The following CUL4B variants were observed in gnomAD, a reference collection of about 807,000 sequenced individuals.
CUL4B encodes cullin 4B.
CUL4B carries 1 observed loss-of-function variant against 69.2 expected under a neutral mutation model. The observed-to-expected ratio is 0.01, with a 90% CI of 0.01 to 0.07. CUL4B has a LOEUF of 0.07. Among genes scored for constraint, CUL4B ranks in the 10% least tolerant of loss-of-function variants. The pLI is 1.00. For synonymous variants in CUL4B, 237 were observed against 223.2 expected, an observed-to-expected ratio of 1.06 and a Z score of -0.55; for missense variants, 328 against 638.8, an observed-to-expected ratio of 0.51 and a Z score of 5.24.
chrX:120,566,661 T>C (rs766326122), downstream of CUL4B, among the ~76,000 whole-genome samples: 4 of 109,016 alleles, frequency 3.7e-5, no homozygotes, highest in East Asian at 1.2e-3. Flanking sequence ...CTTCCCAAAG[T>C]GCTGGGATTA....
upstream of CUL4B, among the ~76,000 whole-genome samples, chrX:120,565,837 T>C (rs1353576988): frequency 9.9e-6 from 1 of 101,200 alleles, no homozygotes; most frequent in East Asian, 3.4e-4. Flanking sequence ...GCCATTCTCC[T>C]GCCTCAGCCT....
At chrX:120,529,637 A>C (rs1384530775) in intron 19 of CUL4B, among the ~76,000 whole-genome samples, 5 of 111,826 alleles carry the variant, frequency 4.5e-5, no homozygotes, top group African/African-American at 6.5e-5. Context: ...TACACTTTTC[A>C]AAAAGATGCT....
chrX:120,557,902 G>C, intron 2 of CUL4B, 22 bp downstream of exon 2: 2 of 990,061 alleles, frequency 2.0e-6, no homozygotes, highest in Admixed American at 4.5e-5. Flanking sequence ...AATCAAATCT[G>C]GTTATGCATA....
downstream of CUL4B, among the ~76,000 whole-genome samples, chrX:120,566,480 G>A (rs182970346): frequency 7.0e-5 from 7 of 100,530 alleles, no homozygotes; most frequent in Middle Eastern, 0.01. Context: ...TCACCACAAC[G>A]TCCACCTCCC....
At chrX:120,531,149 C>G in intron 18 of CUL4B, among the ~76,000 whole-genome samples, 1 of 109,322 alleles carries the variant, frequency 9.1e-6, no homozygotes, top group Non-Finnish European at 1.9e-5. Context: ...TGGTGAAAAC[C>G]CATCTCTACT....
chrX:120,555,118 A>C (rs1298334519), intron 2 of CUL4B, among the ~76,000 whole-genome samples: 1 of 112,580 alleles, frequency 8.9e-6, no homozygotes, highest in Non-Finnish European at 1.9e-5. Context: ...ATGCAACTGA[A>C]CAACAGCAGG....
intron 1 of CUL4B, 67 bp downstream of exon 1, chrX:120,560,012 CATAA>C: frequency 8.3e-7 from 1 of 1,209,627 alleles, no homozygotes; most frequent in Non-Finnish European, 1.1e-6. Flanking sequence ...AATATATTAA[CATAA>C]ATAGAGCACG....
intron 6 of CUL4B, 88 bp from the exon 7 acceptor site, chrX:120,544,291 T>A: frequency 1.2e-6 from 1 of 849,076 alleles, no homozygotes; most frequent in Non-Finnish European, 1.7e-6. Flanking sequence ...CATTATGAAT[T>A]TGGTTTTTAA....
chrX:120,556,568 G>C (rs1427787780), intron 2 of CUL4B, among the ~76,000 whole-genome samples: 1 of 110,678 alleles, frequency 9.0e-6, no homozygotes, highest in Non-Finnish European at 1.9e-5. Context: ...GGCTGGGTTT[G>C]GTAGCTCATG....
At chrX:120,565,452 A>G (rs1925466337), upstream of CUL4B, among the ~76,000 whole-genome samples, 1 of 108,643 alleles carries the variant, frequency 9.2e-6, no homozygotes, top group Non-Finnish European at 1.9e-5. Context: ...GGGAGGCCAG[A>G]GTGGGTGGAT....
chrX:120,569,361 C>CT (rs1172319824), downstream of CUL4B, among the ~76,000 whole-genome samples: 614 of 96,099 alleles, frequency 6.4e-3, 1 homozygote, highest in South Asian at 0.012. Context: ...AGGGAAGTTT[C>CT]TTTTTTTTTT....
chrX:120,544,773 A>C, intron 5 of CUL4B, 130 bp from the exon 6 acceptor site: 1 of 506,683 alleles, frequency 2.0e-6, no homozygotes, highest in Non-Finnish European at 3.3e-6. Context: ...TTGTCAAAAA[A>C]TAAAATCCAC....
At chrX:120,540,730 T>C (rs1217012469) in intron 10 of CUL4B, among the ~76,000 whole-genome samples, 168 bp from the exon 11 acceptor site, 1 of 112,221 alleles carries the variant, frequency 8.9e-6, no homozygotes, top group Non-Finnish European at 1.9e-5. Flanking sequence ...CTGAAACTCC[T>C]AGGCTGAAAG....
chrX:120,536,057 T>C (rs938354214), intron 15 of CUL4B, 114 bp from the exon 16 acceptor site: 25 of 525,328 alleles, frequency 4.8e-5, no homozygotes, highest in Non-Finnish European at 7.8e-5. Context: ...CTATATCCAG[T>C]AGGTCCACCA....
intron 2 of CUL4B, among the ~76,000 whole-genome samples, chrX:120,553,729 C>A (rs1405431662): frequency 9.0e-6 from 1 of 111,087 alleles, no homozygotes; most frequent in African/African-American, 3.3e-5. Context: ...CATAGCAAGA[C>A]CCCCATATCT....
At chrX:120,556,917 T>A (rs1047325132) in intron 2 of CUL4B, among the ~76,000 whole-genome samples, 18 of 108,671 alleles carry the variant, frequency 1.7e-4, no homozygotes, top group Non-Finnish European at 2.7e-4. Context: ...ATATATATTT[T>A]TTTTTTTTTT....
rs910654957 is a variant in CUL4B, at chrX:120,544,731, C to T, written c.921-88G>A. The T allele has an allele frequency of 3.0e-5, 22 of 741,541 alleles. No homozygotes were observed. In the Middle Eastern group the frequency reaches 1.4e-3, roughly 46 times the overall value. The allele number at this position is 741,541 out of a possible 1,213,427, so 61.1% of individuals were successfully genotyped here. ...TAACTTCTTACCACATGTTCCCATGCTAATTAGGGCTCCAGGGCTTTGAAG... is the reference window on the plus strand; with the variant it reads ...TAACTTCTTACCACATGTTCCCATGTTAATTAGGGCTCCAGGGCTTTGAAG... On this transcript the variant is annotated intron_variant, in intron 5 of 19. Coordinates refer to ENST00000371322, the MANE Select transcript of CUL4B (RefSeq NM_001079872.2).
chrX:120,556,966 C>T (rs1163023927), intron 2 of CUL4B, among the ~76,000 whole-genome samples: 3 of 105,448 alleles, frequency 2.8e-5, no homozygotes, highest in Admixed American at 2.1e-4. Context: ...GGCTGGAGTG[C>T]AATGGTGCAA....
chrX:120,531,330 A>AT (rs772597680), intron 18 of CUL4B, among the ~76,000 whole-genome samples: 50 of 104,218 alleles, frequency 4.8e-4, no homozygotes, highest in African/African-American at 1.1e-3. Context: ...CAAAAAAAAA[A>AT]TTTTTTTTTT....
Sources: gnomAD v4.1 joint callset for allele counts (sites outside exome capture counted in the v4.1 genomes callset) on GRCh38, gnomAD v4.1.1 for gene constraint, MANE v1.5 for transcripts, NCBI Gene and HGNC (gene_info 2026-07-23, HGNC 2026-07-21) for gene names.